The following PES1 variants were observed in gnomAD, a reference collection of about 807,000 sequenced individuals.
PES1 encodes the protein pescadillo ribosomal biogenesis factor 1.
A neutral mutation model predicts 77.1 loss-of-function variants in PES1; 31 were observed. That is an observed-to-expected ratio of 0.40 (90% confidence interval 0.30 to 0.54). The LOEUF is 0.54. PES1 is among the 20% of genes least tolerant of loss of function. The pLI is 0.45. For missense variants in PES1, 658 were observed against 771.7 expected (o/e 0.85, Z 1.75); for synonymous variants, 282 against 303.0 (o/e 0.93, Z 0.72).
At chr22:30,599,871 G>C (rs1405279916) in intron 2 of PES1, among the ~76,000 whole-genome samples, 4 of 152,102 alleles carry the variant, frequency 2.6e-5, no homozygotes, top group South Asian at 4.1e-4. Flanking sequence ...TTGCACTCCA[G>C]CCTGGGCAAT....
chr22:30,587,902 A>G, intron 3 of PES1, 119 bp downstream of exon 3: 1 of 997,070 alleles, frequency 1.0e-6, no homozygotes, highest in Admixed American at 2.1e-5. Flanking sequence ...GTTGAGGCTC[A>G]CCCTGCCCTC....
At chr22:30,600,383 C>A (rs781022104) in intron 2 of PES1, among the ~76,000 whole-genome samples, 1 of 152,142 alleles carries the variant, frequency 6.6e-6, no homozygotes, top group South Asian at 2.1e-4. Context: ...TCTTATATAA[C>A]ATAGATAAAG....
In PES1 at chr22:30,591,826, C is replaced by T; in HGVS notation, c.8G>A (p.Gly3Asp). Residue 3 changes from glycine to aspartate, a missense_variant, in exon 1 of 15, where the codon GGC becomes GAC. Transcript: ENST00000354694. MG[G>D]LEKKKYERGS... is the part of the protein sequence containing the mutation. ...CCCAATCACCTTCTTCTTCTCAAGG[C>T]CTCCCATCGCTCCACGTTGAGGAGC... 4 of 1,563,722 alleles carry T rather than the reference C, an allele frequency of 2.6e-6. No individual in the cohort carries two copies. The highest frequency in any genetic ancestry group is 4.7e-5 in the East Asian group (2 of 42,286).
intron 6 of PES1, 142 bp downstream of exon 6, chr22:30,584,223 A>G (rs2087032613): frequency 1.5e-6 from 1 of 674,658 alleles, no homozygotes. Context: ...TGTGTGGCAC[A>G]TTCTGCCGCG....
intron 4 of PES1, 109 bp downstream of exon 4, chr22:30,587,177 A>G (rs2146473697): frequency 1.3e-6 from 1 of 797,670 alleles, no homozygotes; most frequent in South Asian, 1.6e-5. Flanking sequence ...AAAAGTTGCA[A>G]GCTCTTTGAG....
intron 2 of PES1, among the ~76,000 whole-genome samples, chr22:30,602,273 T>G (rs940642666): frequency 2.6e-5 from 4 of 152,098 alleles, no homozygotes; most frequent in Non-Finnish European, 5.9e-5. Flanking sequence ...TTTCTCAATC[T>G]CTCTACTGCC....
intron 6 of PES1, among the ~76,000 whole-genome samples, chr22:30,582,018 C>A (rs553472701): frequency 6.6e-6 from 1 of 152,360 alleles, no homozygotes; most frequent in African/African-American, 2.4e-5. Flanking sequence ...CTAGCTCAGA[C>A]TCGGACAGAC....
intron 2 of PES1, among the ~76,000 whole-genome samples, chr22:30,597,888 TTTTTTTTTG>T (rs2087284544): frequency 7.0e-6 from 1 of 143,128 alleles, no homozygotes; most frequent in Non-Finnish European, 1.5e-5. Context: ...TTTTGTTTTT[TTTTTTTTTG>T]TTTTGAGTCG....
At chr22:30,602,309 C>T (rs1205534686) in intron 2 of PES1, among the ~76,000 whole-genome samples, 1 of 152,134 alleles carries the variant, frequency 6.6e-6, no homozygotes, top group East Asian at 1.9e-4. Flanking sequence ...TGCTTGCTTC[C>T]CCTTTGCTTT....
In PES1 at chr22:30,581,246, C is replaced by A. The variant is rs531735189; in HGVS notation, c.822+88G>T. ...GAGACCACCCACCTAGCCATAACCA[C>A]CCCCACTCTGAACCAGACCCCCAGA... is the stretch of plus-strand genomic sequence containing the variant. On this transcript the variant is annotated intron_variant, in intron 8 of 14. Coordinates refer to ENST00000354694, the MANE Select transcript of PES1 (RefSeq NM_014303.4). The A allele has an allele frequency of 6.9e-5, 101 of 1,462,316 alleles. No homozygotes were observed. The African/African-American group carries it at 1.2e-3, about 18-fold the overall frequency. The allele number at this position is 1,462,316 out of a possible 1,614,324, so 90.6% of individuals were successfully genotyped here.
At chr22:30,597,541 T>C (rs2087274736) in intron 2 of PES1, among the ~76,000 whole-genome samples, 1 of 150,672 alleles carries the variant, frequency 6.6e-6, no homozygotes, top group South Asian at 2.1e-4. Context: ...GGATAGTGAA[T>C]ACACCAATCG....
chr22:30,598,044 C>T (rs1011560272), intron 2 of PES1, among the ~76,000 whole-genome samples: 3 of 151,992 alleles, frequency 2.0e-5, no homozygotes, highest in South Asian at 2.1e-4. Flanking sequence ...CCACTACGCC[C>T]GGCTAGTTTT....
chr22:30,589,293 C>A, intron 1 of PES1, 23 bp from the exon 2 acceptor site: 1 of 1,589,344 alleles, frequency 6.3e-7, no homozygotes, highest in Non-Finnish European at 8.6e-7. Context: ...AAAAACAATT[C>A]TCCATTAGCA....
intron 6 of PES1, 21 bp downstream of exon 6, chr22:30,584,344 C>A (rs1350946998): frequency 1.3e-6 from 2 of 1,572,224 alleles, no homozygotes; most frequent in South Asian, 2.3e-5. Flanking sequence ...AAGCCCGTCC[C>A]CTCCCGACAG....
intron 9 of PES1, 120 bp from the exon 10 acceptor site, chr22:30,580,821 A>G (rs2086973141): frequency 6.8e-7 from 1 of 1,467,912 alleles, no homozygotes; most frequent in Non-Finnish European, 9.3e-7. Flanking sequence ...CCTTCAAAGG[A>G]AACTCCAAGG....
upstream of PES1, among the ~76,000 whole-genome samples, chr22:30,594,904 ATC>A (rs1276865989): frequency 1.3e-5 from 2 of 152,102 alleles, no homozygotes; most frequent in Admixed American, 1.3e-4. Flanking sequence ...AGGCAAAAGG[ATC>A]GCTTGGGCTC....
upstream of PES1, among the ~76,000 whole-genome samples, chr22:30,596,478 C>T (rs1456672648): frequency 6.6e-6 from 1 of 150,960 alleles, no homozygotes; most frequent in Non-Finnish European, 1.5e-5. Flanking sequence ...AGCCACCATG[C>T]CTGGCCCCAT....
upstream of PES1, among the ~76,000 whole-genome samples, chr22:30,592,951 C>G (rs924648196): frequency 7.3e-6 from 1 of 137,578 alleles, no homozygotes; most frequent in Non-Finnish European, 1.6e-5. Flanking sequence ...GAAGTAGATG[C>G]AATTTTAAGA....
rs377562498 is a variant in PES1 at position 30,577,037 on chromosome 22, C to G, written c.*9G>C. The G allele has an allele frequency of 2.5e-6, 4 of 1,611,598 alleles. No homozygotes were observed. The African/African-American group carries it at 5.3e-5, about 22-fold the overall frequency. ...GGCTGGCCTCAGCCCTGTGAGGGGC[C>G]GCAGGCACTCACTCCGGCCTTGCCT... On this transcript the variant is annotated 3_prime_UTR_variant, in exon 15 of 15. Transcript: ENST00000354694.
Sources: gnomAD v4.1 joint callset for allele counts (sites outside exome capture counted in the v4.1 genomes callset) on GRCh38, gnomAD v4.1.1 for gene constraint, MANE v1.5 for transcripts, NCBI Gene and HGNC (gene_info 2026-07-23, HGNC 2026-07-21) for gene names.